Variants in PRKN observed in about 807,000 individuals in gnomAD.
PRKN encodes the protein E3 ubiquitin-protein ligase parkin.
PRKN carries 56 observed loss-of-function variants against 59.5 expected under a neutral mutation model. That is an observed-to-expected ratio of 0.94 (90% CI 0.76 to 1.18). The LOEUF (loss-of-function observed/expected upper bound fraction) is 1.18, where lower values mean the gene tolerates loss of function less well. PRKN is among the 50% of genes most tolerant of loss of function. PRKN has a pLI of 0.00. For synonymous variants in PRKN, 250 were observed against 222.1 expected (o/e 1.13, Z -1.12); for missense variants, 657 against 596.4 (o/e 1.10, Z -1.06).
chr6:162,612,597 CAAAAAA>C (rs10581049), intron 1 of PRKN, among the ~76,000 whole-genome samples: 1,975 of 122,842 alleles, frequency 0.016, 42 homozygotes, highest in African/African-American at 0.051. Flanking sequence ...AACTCCATCT[CAAAAAA>C]AAAAAAAAAA....
intron 7 of PRKN, among the ~76,000 whole-genome samples, chr6:161,727,943 T>A (rs1181057081): frequency 6.6e-6 from 1 of 152,142 alleles, no homozygotes; most frequent in Non-Finnish European, 1.5e-5. Flanking sequence ...CCTGAACATA[T>A]CATCTTATTA....
chr6:162,247,233 G>A (rs1157832627), intron 3 of PRKN, among the ~76,000 whole-genome samples: 4 of 152,126 alleles, frequency 2.6e-5, no homozygotes, highest in African/African-American at 9.7e-5. Context: ...GGATTTGGTG[G>A]CTGAGACTTA....
intron 1 of PRKN, among the ~76,000 whole-genome samples, chr6:162,573,683 A>T (rs571969972): frequency 6.6e-6 from 1 of 152,038 alleles, no homozygotes; most frequent in Non-Finnish European, 1.5e-5. Flanking sequence ...TCCATCACCC[A>T]CCCCTTCCTA....
At chr6:161,698,396 G>A (rs1786111470) in intron 7 of PRKN, among the ~76,000 whole-genome samples, 1 of 152,120 alleles carries the variant, frequency 6.6e-6, no homozygotes, top group Non-Finnish European at 1.5e-5. Context: ...TCAGGATAAT[G>A]CCTAGAGTCT....
chr6:162,464,079 T>A (rs1398410162), intron 1 of PRKN, among the ~76,000 whole-genome samples: 1 of 152,214 alleles, frequency 6.6e-6, no homozygotes, highest in Non-Finnish European at 1.5e-5. Flanking sequence ...GCTTTGTAAA[T>A]GCTTATACAT....
At chr6:162,473,185 C>T (rs1308972128) in intron 1 of PRKN, among the ~76,000 whole-genome samples, 2 of 152,094 alleles carry the variant, frequency 1.3e-5, no homozygotes. Flanking sequence ...TAAGCCTTTC[C>T]CTTTGCTAGG....
chr6:161,432,409 C>T (rs1422050366), intron 9 of PRKN, among the ~76,000 whole-genome samples: 3 of 135,024 alleles, frequency 2.2e-5, no homozygotes, highest in Non-Finnish European at 4.6e-5. Context: ...GTCATCCAGG[C>T]TGGAGTTTAA....
At chr6:162,649,072 G>A (rs1474857463) in intron 1 of PRKN, among the ~76,000 whole-genome samples, 1 of 151,986 alleles carries the variant, frequency 6.6e-6, no homozygotes, top group African/African-American at 2.4e-5. Context: ...CTTGCCAGCC[G>A]CCACAACCAT....
At chr6:162,236,717 C>T (rs1778738948) in intron 3 of PRKN, among the ~76,000 whole-genome samples, 1 of 151,928 alleles carries the variant, frequency 6.6e-6, no homozygotes, top group Non-Finnish European at 1.5e-5. Context: ...ATCGCTTGAA[C>T]CTGGGACGCA....
chr6:162,026,646 A>G (rs1342587235), intron 5 of PRKN, among the ~76,000 whole-genome samples: 1 of 152,180 alleles, frequency 6.6e-6, no homozygotes, highest in African/African-American at 2.4e-5. Flanking sequence ...GCATCTTAAT[A>G]TGTACTTATC....
At chr6:162,339,641 C>G (rs1450038237) in intron 2 of PRKN, among the ~76,000 whole-genome samples, 1 of 151,958 alleles carries the variant, frequency 6.6e-6, no homozygotes, top group Non-Finnish European at 1.5e-5. Flanking sequence ...GGAGGTGTAC[C>G]CAACAGCTCA....
At chr6:162,677,891 C>G (rs2128231901) in intron 1 of PRKN, among the ~76,000 whole-genome samples, 1 of 152,162 alleles carries the variant, frequency 6.6e-6, no homozygotes, top group African/African-American at 2.4e-5. Context: ...CCCATAAAAC[C>G]ATTACAACAA....
rs1335213343 is a variant in PRKN at position 162,021,133 on chromosome 6, T to A, written c.618+32958A>T. The stretch of plus-strand genomic sequence containing the variant: ...AAAAACAAAAACATATATATATATA[T>A]ATATATATATATATATATATATATA... On this transcript the variant is annotated intron_variant, in intron 5 of 11. Transcript: ENST00000366898. Among the ~76,000 whole-genome samples the A allele has an allele frequency of 5.5e-3, 25 of 4,562 alleles. No homozygotes were observed. The African/African-American group carries it at 0.063, about 12-fold the overall frequency. 3.0% of individuals were successfully genotyped at this position (4,562 alleles called of 152,430 possible). A position where few individuals can be genotyped will look rare whatever the true frequency, so the allele number is the denominator to read the frequency against.
chr6:161,914,105 G>T (rs1043986359), intron 6 of PRKN, among the ~76,000 whole-genome samples: 1 of 152,132 alleles, frequency 6.6e-6, no homozygotes, highest in African/African-American at 2.4e-5. Context: ...TGCTCATGAA[G>T]CATCATTTGT....
At chr6:161,776,442 T>G (rs1436465294) in intron 7 of PRKN, among the ~76,000 whole-genome samples, 1 of 152,202 alleles carries the variant, frequency 6.6e-6, no homozygotes, top group African/African-American at 2.4e-5. Flanking sequence ...CAAAATGTAC[T>G]GAAAAACTCA....
At chr6:162,448,678 G>C (rs745795933) in intron 1 of PRKN, among the ~76,000 whole-genome samples, 2 of 152,002 alleles carry the variant, frequency 1.3e-5, no homozygotes, top group African/African-American at 2.4e-5. Flanking sequence ...AGCATCCCAG[G>C]AGTCTGAATC....
intron 7 of PRKN, among the ~76,000 whole-genome samples, chr6:161,651,690 A>G (rs1291940801): frequency 1.3e-5 from 2 of 152,158 alleles, no homozygotes; most frequent in Non-Finnish European, 2.9e-5. Flanking sequence ...CAGTGACTCA[A>G]AGAAAACCCT....
At position 161,400,730 on chromosome 6, in the gene PRKN, T is replaced by C. The variant is rs887932251; in HGVS notation, c.1084-13853A>G. 6.6e-6 allele frequency among the ~76,000 whole-genome samples: 1 copy of C among 152,128 alleles called. No individual in the cohort carries two copies. The highest frequency in any genetic ancestry group is 1.5e-5 in the Non-Finnish European group (1 of 68,018). ...ATATGAGTTTCACTTCACACTGTGT[T>C]GAAGAAAAGAGCTGCAGGGGACAGA... On this transcript the variant is annotated intron_variant, in intron 9 of 11. Transcript: ENST00000366898. The surrounding 1 kb of genome is among the most constrained non-coding windows in gnomAD (Gnocchi z 4.2).
intron 6 of PRKN, among the ~76,000 whole-genome samples, chr6:161,972,049 G>A (rs1011397666): frequency 2.0e-5 from 3 of 152,148 alleles, no homozygotes; most frequent in South Asian, 2.1e-4. Context: ...TAAGGCGGGC[G>A]GATCACCTGA....
Sources: allele counts gnomAD v4.1 joint callset (sites outside exome capture counted in the v4.1 genomes callset), GRCh38; gene constraint gnomAD v4.1.1; non-coding constraint Gnocchi (gnomAD v3.1); transcripts MANE v1.5; gene names NCBI Gene and HGNC (gene_info 2026-07-23, HGNC 2026-07-21).